The following PLXNA2 variants were observed in gnomAD, a reference collection of about 807,000 sequenced individuals.
PLXNA2 encodes the protein plexin-A2.
A neutral mutation model predicts 193.5 loss-of-function variants in PLXNA2; 91 were observed. The observed-to-expected ratio is 0.47, with a 90% confidence interval of 0.40 to 0.56. The LOEUF (loss-of-function observed/expected upper bound fraction) is 0.56. PLXNA2 is among the 20% of genes least tolerant of loss of function. The probability of loss-of-function intolerance (pLI) is 0.00; values close to 1 mark genes in which losing one functional copy is unlikely to be tolerated. For synonymous variants in PLXNA2, 997 were observed against 1,027.3 expected (o/e 0.97, Z 0.56); for missense variants, 1,995 against 2,503.2 (o/e 0.80, Z 4.33).
chr1:208,072,964 C>T (rs988889612), intron 12 of PLXNA2, among the ~76,000 whole-genome samples: 10 of 152,282 alleles, frequency 6.6e-5, no homozygotes, highest in Non-Finnish European at 1.3e-4. Context: ...AGGAATAGCC[C>T]TCCATCCCCC....
rs1337163720 is a variant in PLXNA2, at chr1:208,039,747, G to A, written c.4374C>T (p.Leu1458=). 5 of 1,614,036 alleles carry A rather than the reference G, an allele frequency of 3.1e-6. No individual in the cohort carries two copies. The African/African-American group carries it at 4.0e-5, about 13-fold the overall frequency. The stretch of plus-strand genomic sequence containing the variant: ...GCTTGATGGCACAGTATAGCATGAA[G>A]AGTGGCTCCCCTGCGCACTCCTGTG... ...KFLKECAGEP[L]FMLYCAIKQQ... is the part of the protein sequence containing the mutation. Residue 1458 remains leucine (L), a synonymous_variant, in exon 24 of 32, where the codon CTC becomes CTT. Transcript: ENST00000367033.
intron 3 of PLXNA2, among the ~76,000 whole-genome samples, chr1:208,187,384 G>T (rs890455539): frequency 6.6e-6 from 1 of 152,168 alleles, no homozygotes; most frequent in African/African-American, 2.4e-5. Flanking sequence ...CAGAGAGGCT[G>T]ATCTTGGTTC....
At chr1:208,172,796 C>T (rs1324914413) in intron 3 of PLXNA2, among the ~76,000 whole-genome samples, 2 of 152,122 alleles carry the variant, frequency 1.3e-5, no homozygotes, top group African/African-American at 2.4e-5. Flanking sequence ...TCAGGGGACA[C>T]TTTTGGGCAG....
At chr1:208,196,616 C>CT (rs1408339052) in intron 3 of PLXNA2, among the ~76,000 whole-genome samples, 1 of 152,176 alleles carries the variant, frequency 6.6e-6, no homozygotes, top group East Asian at 1.9e-4. Context: ...GGAGAATGGA[C>CT]TCAGTCCACC....
chr1:208,200,395 T>C (rs1425378335), intron 3 of PLXNA2, among the ~76,000 whole-genome samples: 1 of 152,112 alleles, frequency 6.6e-6, no homozygotes, highest in Non-Finnish European at 1.5e-5. Flanking sequence ...CTTAGCTTGA[T>C]CATCTTGGGC....
intron 17 of PLXNA2, among the ~76,000 whole-genome samples, chr1:208,049,931 A>G (rs1558165064): frequency 6.6e-6 from 1 of 152,230 alleles, no homozygotes; most frequent in Non-Finnish European, 1.5e-5. Flanking sequence ...AATTTCTATG[A>G]AAAATAATGG....
chr1:208,049,631 A>T (rs921334022), intron 17 of PLXNA2, among the ~76,000 whole-genome samples: 1 of 152,140 alleles, frequency 6.6e-6, no homozygotes, highest in Admixed American at 6.5e-5. Flanking sequence ...GATGTTTGGG[A>T]TCCACCTTGG....
intron 9 of PLXNA2, among the ~76,000 whole-genome samples, chr1:208,089,894 T>A (rs1666654120): frequency 6.6e-6 from 1 of 152,246 alleles, no homozygotes; most frequent in South Asian, 2.1e-4. Context: ...CTGGGACGCC[T>A]GAGAGAGTAA....
chr1:208,075,247 T>G (rs1401915825), intron 12 of PLXNA2, among the ~76,000 whole-genome samples: 2 of 151,392 alleles, frequency 1.3e-5, no homozygotes, highest in Non-Finnish European at 2.9e-5. Flanking sequence ...GAGGCGGGGG[T>G]TGTAGTGAGC....
intron 3 of PLXNA2, among the ~76,000 whole-genome samples, chr1:208,202,871 G>T (rs1046214119): frequency 3.9e-5 from 6 of 152,140 alleles, no homozygotes; most frequent in African/African-American, 1.4e-4. Flanking sequence ...TGAATACACA[G>T]CCTGAGGCCT....
intron 9 of PLXNA2, among the ~76,000 whole-genome samples, chr1:208,088,172 T>C (rs943094885): frequency 3.3e-5 from 5 of 152,160 alleles, no homozygotes; most frequent in African/African-American, 1.2e-4. Context: ...AGACTTAAAC[T>C]TGTAGGAATA....
chr1:208,113,546 C>CTTTTTTTTTTTTTTTTTT (rs397695261), intron 4 of PLXNA2, among the ~76,000 whole-genome samples: 1 of 105,712 alleles, frequency 9.5e-6, no homozygotes, highest in Non-Finnish European at 1.8e-5. Flanking sequence ...CTCTCTCTCT[C>CTTTTTTTTTTTTTTTTTT]TTTTTTTTTT....
intron 13 of PLXNA2, 88 bp downstream of exon 13, chr1:208,060,598 T>C (rs554511543): frequency 3.0e-6 from 4 of 1,345,228 alleles, no homozygotes; most frequent in East Asian, 2.4e-5. Context: ...AGATCAATCA[T>C]GGAAAAGGCC....
chr1:208,171,297 G>A (rs1183232976), intron 3 of PLXNA2, among the ~76,000 whole-genome samples: 2 of 152,208 alleles, frequency 1.3e-5, no homozygotes, highest in Admixed American at 6.5e-5. Context: ...AGGAGATGGT[G>A]AATGCAGTAA....
At chr1:208,234,300 G>A (rs1390708855) in intron 1 of PLXNA2, among the ~76,000 whole-genome samples, 1 of 152,146 alleles carries the variant, frequency 6.6e-6, no homozygotes, top group African/African-American at 2.4e-5. Flanking sequence ...CATTTCCCAA[G>A]TATTCTACAC....
chr1:208,115,411 T>C (rs1197308022), intron 4 of PLXNA2, among the ~76,000 whole-genome samples: 2 of 152,194 alleles, frequency 1.3e-5, no homozygotes, highest in African/African-American at 4.8e-5. Flanking sequence ...ATAAAAGTTA[T>C]CTGCAGCTGA....
Position 208,038,545 on chromosome 1 carries a change from C to T in PLXNA2, c.4661-71G>A. On this transcript the variant is annotated intron_variant, in intron 25 of 31. Coordinates refer to ENST00000367033, the MANE Select transcript of PLXNA2 (RefSeq NM_025179.4). This position sits in a 1 kb window ranked among gnomAD's most constrained non-coding sequence, Gnocchi z 4.1. Reference sequence around the variant, plus strand: ...GCTGTGAGCCAGTGTCTCCCGATTGCACCTTCTCTAGGGACCTGGCAACCC... The same window carrying T: ...GCTGTGAGCCAGTGTCTCCCGATTGTACCTTCTCTAGGGACCTGGCAACCC... 3 of 1,193,904 alleles carry T rather than the reference C, an allele frequency of 2.5e-6. No homozygotes were observed. The highest frequency in any genetic ancestry group is 1.2e-5 in the South Asian group (1 of 82,158). The allele number at this position is 1,193,904 out of a possible 1,614,324, so 74.0% of individuals were successfully genotyped here. A position where few individuals can be genotyped will look rare whatever the true frequency, so the allele number is the denominator to read the frequency against.
chr1:208,240,900 G>C (rs575604976), intron 1 of PLXNA2, among the ~76,000 whole-genome samples: 8 of 152,202 alleles, frequency 5.3e-5, no homozygotes, highest in Non-Finnish European at 1.2e-4. Flanking sequence ...GTGGTGGGGA[G>C]GTGCTGCTGG....
chr1:208,092,267 G>T (rs2478806), intron 9 of PLXNA2, among the ~76,000 whole-genome samples: 89,370 of 152,118 alleles, frequency 0.59, 26,655 homozygotes, highest in East Asian at 0.67. Flanking sequence ...GCAATGCCTG[G>T]TTCTTTTCAC....
Sources: gnomAD v4.1 joint callset for allele counts (sites outside exome capture counted in the v4.1 genomes callset) on GRCh38, gnomAD v4.1.1 for gene constraint, Gnocchi (gnomAD v3.1) non-coding constraint, MANE v1.5 for transcripts, NCBI Gene and HGNC (gene_info 2026-07-23, HGNC 2026-07-21) for gene names.